Variants in TNS1 observed in about 807,000 individuals in gnomAD.
TNS1 encodes tensin-1.
A neutral mutation model predicts 168.6 loss-of-function variants in TNS1; 62 were observed. The ratio of observed to expected loss-of-function variants is 0.37; its 90% CI spans 0.30 to 0.45. The LOEUF (loss-of-function observed/expected upper bound fraction) is 0.45. TNS1 is among the 20% of genes least tolerant of loss of function. TNS1 has a pLI of 1.00. For synonymous variants in TNS1, 934 were observed against 933.2 expected (o/e 1.00, Z -0.02); for missense variants, 2,240 against 2,339.4 (o/e 0.96, Z 0.88).
At chr2:217,830,337 G>A (rs1944237573) in intron 22 of TNS1, 1 of 1,613,940 alleles carries the variant, frequency 6.2e-7, no homozygotes, top group Non-Finnish European at 8.5e-7. Flanking sequence ...TGGCTTCATG[G>A]GTCACAAATG....
chr2:217,966,319 G>GCA (rs1957638880), intron 3 of TNS1, among the ~76,000 whole-genome samples: 1 of 150,316 alleles, frequency 6.7e-6, no homozygotes, highest in Non-Finnish European at 1.5e-5. Context: ...GCGCGCGCGC[G>GCA]CGTGTGTAAG....
intron 3 of TNS1, among the ~76,000 whole-genome samples, chr2:217,971,037 G>T (rs188754719): frequency 4.6e-5 from 7 of 152,152 alleles, no homozygotes; most frequent in Non-Finnish European, 8.8e-5. Flanking sequence ...GTTCTCAAAT[G>T]TGGCTGCAAA....
intron 6 of TNS1, among the ~76,000 whole-genome samples, chr2:217,901,226 A>T (rs1952937600): frequency 6.6e-6 from 1 of 152,136 alleles, no homozygotes; most frequent in Admixed American, 6.5e-5. Flanking sequence ...AGGCCCACAG[A>T]CCACAGAGTT....
At chr2:217,939,468 C>T (rs1037696283) in intron 3 of TNS1, among the ~76,000 whole-genome samples, 1 of 152,242 alleles carries the variant, frequency 6.6e-6, no homozygotes, top group Non-Finnish European at 1.5e-5. Context: ...GCTTGTAATC[C>T]ATCCAGAAGA....
intron 23 of TNS1, among the ~76,000 whole-genome samples, chr2:217,820,521 G>A (rs558030979): frequency 1.3e-5 from 2 of 152,262 alleles, no homozygotes; most frequent in South Asian, 2.1e-4. Flanking sequence ...TTGAGCCAAT[G>A]TAGACTGTGC....
intron 3 of TNS1, among the ~76,000 whole-genome samples, chr2:217,941,651 T>C (rs1241225655): frequency 6.6e-6 from 1 of 152,078 alleles, no homozygotes; most frequent in Non-Finnish European, 1.5e-5. Context: ...GCCCTCAGCA[T>C]CCCAAGAGAC....
intron 28 of TNS1, among the ~76,000 whole-genome samples, chr2:217,811,598 C>T (rs9808439): frequency 0.085 from 12,939 of 152,162 alleles, 941 homozygotes; most frequent in African/African-American, 0.17. Flanking sequence ...CAGCCCAGAC[C>T]GTTCCGAGAC....
intron 22 of TNS1, among the ~76,000 whole-genome samples, chr2:217,823,458 G>C (rs903429112): frequency 6.6e-6 from 1 of 152,192 alleles, no homozygotes; most frequent in African/African-American, 2.4e-5. Flanking sequence ...AAGGAGCCTA[G>C]TCACCAGGGT....
At position 217,833,343 on chromosome 2, in the gene TNS1, G is replaced by A. The variant is rs191368243; in HGVS notation, c.3280+1748C>T. On this transcript the variant is annotated intron_variant, in intron 21 of 32. Coordinates refer to ENST00000682258, the MANE Select transcript of TNS1 (RefSeq NM_001387777.1). ...CTTCTGCTGAGGCAGATGAGTGGGC[G>A]ACGCTAAAGCCAGGCAAGTCTTTTG... is the stretch of plus-strand genomic sequence containing the variant. Among the ~76,000 whole-genome samples, 34 of 152,378 alleles carry A rather than the reference G, an allele frequency of 2.2e-4. No individual in the cohort carries two copies. In the East Asian group the frequency reaches 3.5e-3, roughly 16 times the overall value.
intron 6 of TNS1, 54 bp downstream of exon 6, chr2:217,906,275 CCCCATT>C: frequency 1.5e-6 from 1 of 653,718 alleles, no homozygotes; most frequent in Admixed American, 2.3e-5. Flanking sequence ...TCCCACCCCA[CCCCATT>C]CCCCCTGGCC....
At chr2:217,886,171 A>C in intron 13 of TNS1, 67 bp from the exon 14 acceptor site, 2 of 1,527,352 alleles carry the variant, frequency 1.3e-6, no homozygotes, top group South Asian at 2.3e-5. Context: ...CAGAGGAGAC[A>C]GTGAAGGGAG....
intron 4 of TNS1, among the ~76,000 whole-genome samples, chr2:217,919,399 G>A (rs185978770): frequency 1.2e-4 from 18 of 152,314 alleles, no homozygotes; most frequent in Admixed American, 6.5e-4. Flanking sequence ...GATTGTGCCC[G>A]CAAGGTGTCC....
At chr2:217,881,384 C>T in intron 17 of TNS1, 1 of 198,802 alleles carries the variant, frequency 5.0e-6, no homozygotes, top group Non-Finnish European at 1.0e-5. Flanking sequence ...CCCCTGGGGT[C>T]AGACCCTGGG....
chr2:217,847,878 T>G lies in TNS1; in HGVS notation c.2639A>C (p.Gln880Pro), dbSNP rs527485216. 1.9e-6 allele frequency: 3 copies of G among 1,567,600 alleles called. No homozygotes were observed. Among genetic ancestry groups the G allele is most frequent in the Non-Finnish European group, 2.6e-6 (3 of 1,148,158 alleles). Residue 880 changes from glutamine (Q) to proline (P), a missense_variant, in exon 19 of 33, where the codon CAG becomes CCG. By Grantham distance (76) the Gln-to-Pro change is moderately conservative. Transcript: ENST00000682258. ...TCTGGACTGGGTCAGTGGATGGGACTGACGGGAGGATCCAGAGAGGGGCTG... is the reference window on the plus strand; with the variant it reads ...TCTGGACTGGGTCAGTGGATGGGACGGACGGGAGGATCCAGAGAGGGGCTG... ...SSQPLSGSSR[Q>P]SHPLTQSRSG...
intron 4 of TNS1, among the ~76,000 whole-genome samples, chr2:217,912,750 C>G (rs934999056): frequency 6.6e-6 from 1 of 152,142 alleles, no homozygotes; most frequent in African/African-American, 2.4e-5. Context: ...AGGTGCGGCC[C>G]CATTTAATCG....
chr2:217,855,373 T>C (rs547028019), intron 18 of TNS1, among the ~76,000 whole-genome samples: 3 of 152,326 alleles, frequency 2.0e-5, no homozygotes, highest in Non-Finnish European at 2.9e-5. Context: ...CAAACTTCCC[T>C]GGGAAATTTC....
At chr2:217,907,709 C>T (rs1038399119) in intron 4 of TNS1, among the ~76,000 whole-genome samples, 11 of 152,316 alleles carry the variant, frequency 7.2e-5, no homozygotes, top group Admixed American at 5.9e-4. Context: ...CATCTTGGGG[C>T]TCTAAGTGAA....
chr2:217,819,412 T>C (rs1942465123), intron 23 of TNS1, among the ~76,000 whole-genome samples: 1 of 152,146 alleles, frequency 6.6e-6, no homozygotes, highest in Non-Finnish European at 1.5e-5. Flanking sequence ...GCTCCTGTCA[T>C]TAGGAGCATT....
In TNS1 at chr2:217,975,802, C is replaced by T. The variant is rs974430706; in HGVS notation, c.186+2963G>A. Among the ~76,000 whole-genome samples, 11 of 152,294 alleles carry T rather than the reference C, an allele frequency of 7.2e-5. No individual in the cohort carries two copies. In the East Asian group the frequency reaches 2.1e-3, roughly 29 times the overall value. ...AGGCATCCCAGACCCAGCCCCTCCT[C>T]ACTGCTTTTCTGGCTAGCACCATGG... On this transcript the variant is annotated intron_variant, in intron 3 of 32. Coordinates refer to ENST00000682258, the MANE Select transcript of TNS1 (RefSeq NM_001387777.1).
Sources: gnomAD v4.1 joint callset for allele counts (sites outside exome capture counted in the v4.1 genomes callset) on GRCh38, gnomAD v4.1.1 for gene constraint, MANE v1.5 for transcripts, NCBI Gene and HGNC (gene_info 2026-07-23, HGNC 2026-07-21) for gene names.